The following SRRM3 variants were observed in gnomAD, a reference collection of about 807,000 sequenced individuals.
SRRM3 encodes the protein serine/arginine repetitive matrix protein 3.
In SRRM3, 27 loss-of-function variants were observed where a neutral mutation model predicts 66.2. The observed-to-expected ratio is 0.41, with a 90% CI of 0.30 to 0.56. The LOEUF (loss-of-function observed/expected upper bound fraction) is 0.56, where lower values mean the gene tolerates loss of function less well. SRRM3 is among the 20% of genes least tolerant of loss of function. The pLI is 0.32. For missense variants in SRRM3, 918 were observed against 991.9 expected (o/e 0.93, Z 1.00); for synonymous variants, 391 against 414.9 (o/e 0.94, Z 0.70).
intron 2 of SRRM3, among the ~76,000 whole-genome samples, chr7:76,238,808 ATG>A (rs1801209813): frequency 6.6e-6 from 1 of 151,960 alleles, no homozygotes; most frequent in South Asian, 2.1e-4. Context: ...TTACAGGCAC[ATG>A]CCACCACACC....
At chr7:76,249,247 A>T (rs879953499) in intron 3 of SRRM3, among the ~76,000 whole-genome samples, 7 of 152,018 alleles carry the variant, frequency 4.6e-5, no homozygotes, top group Non-Finnish European at 1.0e-4. Flanking sequence ...TTAGCCAGGC[A>T]TGGTGGCCTG....
chr7:76,254,480 G>T (rs1196276511), intron 3 of SRRM3, among the ~76,000 whole-genome samples: 1 of 152,054 alleles, frequency 6.6e-6, no homozygotes, highest in African/African-American at 2.4e-5. Flanking sequence ...TACCATACCT[G>T]GCTAATTTTG....
intron 11 of SRRM3, among the ~76,000 whole-genome samples, chr7:76,279,917 G>A (rs782121481): frequency 7.9e-5 from 12 of 152,254 alleles, no homozygotes; most frequent in African/African-American, 1.9e-4. Context: ...CAGAGGCGGC[G>A]TGGCCTCTTC....
At chr7:76,219,034 T>C (rs1488904073) in intron 1 of SRRM3, among the ~76,000 whole-genome samples, 1 of 152,162 alleles carries the variant, frequency 6.6e-6, no homozygotes, top group Non-Finnish European at 1.5e-5. Context: ...TTTGTATTTT[T>C]AGTAGAGATG....
At chr7:76,269,741 A>G (rs1407427495) in intron 11 of SRRM3, 1 of 132,198 alleles carries the variant, frequency 7.6e-6, no homozygotes, top group East Asian at 2.1e-4. Context: ...TTTTGTTTTT[A>G]TTTCCTTTTC....
intron 3 of SRRM3, among the ~76,000 whole-genome samples, chr7:76,250,772 C>T (rs1801562515): frequency 2.0e-5 from 3 of 152,184 alleles, no homozygotes; most frequent in Admixed American, 2.0e-4. Context: ...AAGACTAATA[C>T]ATGTAAAGTG....
At chr7:76,248,701 G>A (rs541751675) in intron 3 of SRRM3, among the ~76,000 whole-genome samples, 1 of 152,266 alleles carries the variant, frequency 6.6e-6, no homozygotes, top group African/African-American at 2.4e-5. Flanking sequence ...AATTTGGGCA[G>A]GGTACAGTGG....
chr7:76,211,854 A>ATTT (rs1289549726), intron 1 of SRRM3, among the ~76,000 whole-genome samples: 3 of 145,454 alleles, frequency 2.1e-5, no homozygotes, highest in Admixed American at 6.8e-5. Context: ...TATTATTATT[A>ATTT]TTAGAGACTA....
chr7:76,254,592 AC>A (rs1801659300), intron 3 of SRRM3, among the ~76,000 whole-genome samples: 1 of 152,170 alleles, frequency 6.6e-6, no homozygotes, highest in South Asian at 2.1e-4. Context: ...TGCTGGGATT[AC>A]AGGCACGAGC....
chr7:76,261,460 G>T (rs782153666), intron 7 of SRRM3, 46 bp downstream of exon 7: 6 of 1,598,816 alleles, frequency 3.8e-6, no homozygotes, highest in Non-Finnish European at 5.1e-6. Context: ...CCTCCCGTGG[G>T]GCCCAGGGCC....
chr7:76,265,025 C>T (rs1801972868), intron 9 of SRRM3, among the ~76,000 whole-genome samples: 1 of 152,106 alleles, frequency 6.6e-6, no homozygotes, highest in South Asian at 2.1e-4. Flanking sequence ...CAGGGTCCTC[C>T]CAAGCCCAGT....
At position 76,265,421 on chromosome 7, in the gene SRRM3, C is replaced by T. The variant is rs10252497; in HGVS notation, c.783C>T (p.His261=). The T allele has an allele frequency of 1.4e-5, 23 of 1,606,426 alleles. No individual in the cohort carries two copies. Among genetic ancestry groups the T allele is most frequent in the Non-Finnish European group, 1.9e-5 (22 of 1,176,774 alleles). ...RSHRHSSGSS[H]SPSLSSHYSD... ...ATCGCCATAGCAGTGGCAGCTCCCACAGCCCCTCCCTCTCCTCCCACTACA... is the reference window on the plus strand; with the variant it reads ...ATCGCCATAGCAGTGGCAGCTCCCATAGCCCCTCCCTCTCCTCCCACTACA... The change falls in exon 10 of 15, where the codon CAC becomes CAT. Residue 261 remains histidine (H), a synonymous_variant. Transcript: ENST00000611745.
At chr7:76,249,462 G>A (rs917634636) in intron 3 of SRRM3, among the ~76,000 whole-genome samples, 1 of 152,094 alleles carries the variant, frequency 6.6e-6, no homozygotes, top group African/African-American at 2.4e-5. Context: ...CCGGTTTGCC[G>A]TGGGCCTCTG....
At chr7:76,203,540 A>T (rs1403069053) in intron 1 of SRRM3, among the ~76,000 whole-genome samples, 1 of 152,198 alleles carries the variant, frequency 6.6e-6, no homozygotes, top group Non-Finnish European at 1.5e-5. Flanking sequence ...CTTAAAGAAG[A>T]GCTGGATAAA....
rs565709600 is a variant in SRRM3, at chr7:76,238,293, G to A, written c.233+2994G>A. 7.3e-5 allele frequency among the ~76,000 whole-genome samples: 11 copies of A among 151,506 alleles called. No individual in the cohort carries two copies. In the East Asian group the frequency reaches 2.0e-3, roughly 27 times the overall value. Reference sequence around the variant, plus strand: ...CCCAGCCAGTCCTCACAAAGTGCCAGCAAACACCAGGCACCCCTGCTCTTT... The same window carrying A: ...CCCAGCCAGTCCTCACAAAGTGCCAACAAACACCAGGCACCCCTGCTCTTT... On this transcript the variant is annotated intron_variant, in intron 2 of 14. Coordinates refer to ENST00000611745, the MANE Select transcript of SRRM3 (RefSeq NM_001110199.3).
chr7:76,224,779 G>A (rs1358438346), intron 1 of SRRM3, among the ~76,000 whole-genome samples: 1 of 152,086 alleles, frequency 6.6e-6, no homozygotes, highest in Non-Finnish European at 1.5e-5. Flanking sequence ...TGGCCGCCCC[G>A]ATCAGCTAGG....
chr7:76,208,526 G>GA (rs1800355237), intron 1 of SRRM3, among the ~76,000 whole-genome samples: 18 of 150,754 alleles, frequency 1.2e-4, no homozygotes, highest in Admixed American at 1.2e-3. Flanking sequence ...AGAAGAAGAA[G>GA]AAGAAAGAAA....
intron 2 of SRRM3, among the ~76,000 whole-genome samples, chr7:76,244,745 C>T (rs1175555685): frequency 6.6e-6 from 1 of 152,148 alleles, no homozygotes; most frequent in Admixed American, 6.6e-5. Context: ...CCTCCTGAAC[C>T]CCTATGGTAG....
intron 1 of SRRM3, among the ~76,000 whole-genome samples, chr7:76,225,913 G>A (rs1445462905): frequency 6.6e-6 from 1 of 152,150 alleles, no homozygotes; most frequent in South Asian, 2.1e-4. Context: ...AGGTCTCTCA[G>A]CTTATGAATT....
Sources: allele counts gnomAD v4.1 joint callset (sites outside exome capture counted in the v4.1 genomes callset), GRCh38; gene constraint gnomAD v4.1.1; transcripts MANE v1.5; gene names NCBI Gene and HGNC (gene_info 2026-07-23, HGNC 2026-07-21).